Variants in KIAA1614 observed in about 807,000 individuals in gnomAD.
KIAA1614 encodes the protein KIAA1614.
KIAA1614 carries 76 observed loss-of-function variants against 88.7 expected under a neutral mutation model. The observed-to-expected ratio is 0.86, with a 90% CI of 0.71 to 1.04. The LOEUF (loss-of-function observed/expected upper bound fraction) is 1.04, where lower values mean the gene tolerates loss of function less well. Among genes scored for constraint, KIAA1614 ranks in the 50% least tolerant of loss-of-function variants. KIAA1614 has a pLI of 0.00. For synonymous variants in KIAA1614, 714 were observed against 675.5 expected (o/e 1.06, Z -0.88); for missense variants, 1,553 against 1,582.5 (o/e 0.98, Z 0.32).
At chr1:180,915,340 C>T (rs1653754155) in intron 1 of KIAA1614, among the ~76,000 whole-genome samples, 1 of 152,200 alleles carries the variant, frequency 6.6e-6, no homozygotes, top group Non-Finnish European at 1.5e-5. Flanking sequence ...TGATGTCTAT[C>T]ATCCTCATTG....
intron 4 of KIAA1614, among the ~76,000 whole-genome samples, chr1:180,932,625 C>T (rs1432737370): frequency 6.6e-6 from 1 of 152,188 alleles, no homozygotes; most frequent in African/African-American, 2.4e-5. Flanking sequence ...TTCAGTGTTC[C>T]CCAGAGCAGC....
intron 6 of KIAA1614, among the ~76,000 whole-genome samples, chr1:180,939,262 C>T (rs1438193169): frequency 6.6e-6 from 1 of 152,180 alleles, no homozygotes; most frequent in Admixed American, 6.5e-5. Flanking sequence ...GCAGGCAGCT[C>T]TAAGCCTGAA....
chr1:180,935,081 G>A lies in KIAA1614; in HGVS notation c.1206-34G>A. ...CGTGTCCATACCTCCCCAGGTTTCT[G>A]CCCTTGACCTCTCTCCTCCTGTCTC... is the stretch of plus-strand genomic sequence containing the variant. On this transcript the variant is annotated intron_variant, in intron 4 of 8. Coordinates refer to ENST00000367588, the MANE Select transcript of KIAA1614 (RefSeq NM_020950.2). The surrounding 1 kb of genome is among the most constrained non-coding windows in gnomAD (Gnocchi z 6.1). The A allele has an allele frequency of 1.5e-6, 2 of 1,351,028 alleles. No homozygotes were observed. Among genetic ancestry groups the A allele is most frequent in the Non-Finnish European group, 1.9e-6 (2 of 1,044,110 alleles). 83.7% of individuals were successfully genotyped at this position (1,351,028 alleles called of 1,614,324 possible).
At chr1:180,937,367 G>A (rs1309973776) in intron 5 of KIAA1614, among the ~76,000 whole-genome samples, 1 of 152,174 alleles carries the variant, frequency 6.6e-6, no homozygotes, top group Non-Finnish European at 1.5e-5. Context: ...CCTGGCCCCT[G>A]GGCCTGTTGG....
At chr1:180,937,992 C>A (rs1654370817) in intron 5 of KIAA1614, among the ~76,000 whole-genome samples, 1 of 152,216 alleles carries the variant, frequency 6.6e-6, no homozygotes, top group South Asian at 2.1e-4. Flanking sequence ...AGCCTGCCAG[C>A]ATCCTCCTCC....
intron 8 of KIAA1614, 24 bp from the exon 9 acceptor site, chr1:180,945,275 CCTCA>C (rs1217612993): frequency 2.2e-5 from 35 of 1,564,570 alleles, no homozygotes; most frequent in Middle Eastern, 2.3e-4. Context: ...TGCTTTTTGC[CCTCA>C]CTGTGTCTCT....
chr1:180,916,978 C>T lies in KIAA1614; in HGVS notation c.875C>T (p.Ser292Phe), dbSNP rs769554863. The T allele has an allele frequency of 5.6e-6, 9 of 1,614,044 alleles. No individual in the cohort carries two copies. In the Admixed American group the frequency reaches 1.3e-4, roughly 24 times the overall value. ...EALGAGSSVLSLSDRVERNRL... is the reference protein window; with the variant it reads ...EALGAGSSVLFLSDRVERNRL... ...CTGGGCGCTGGGAGCAGTGTCTTGTCCCTGTCTGATCGGGTGGAGAGAAAC... is the reference window on the plus strand; with the variant it reads ...CTGGGCGCTGGGAGCAGTGTCTTGTTCCTGTCTGATCGGGTGGAGAGAAAC... The change falls in exon 2 of 9, where the codon TCC becomes TTC. Residue 292 changes from serine (S) to phenylalanine (F), a missense_variant. Physicochemically the swap from Ser to Phe is radical, Grantham distance 155 (BLOSUM62 -2). Coordinates refer to ENST00000367588, the MANE Select transcript of KIAA1614 (RefSeq NM_020950.2).
Position 180,951,290 on chromosome 1 carries a change from C to T in KIAA1614, c.*5702C>T, listed in dbSNP as rs551854251. On this transcript the variant is annotated 3_prime_UTR_variant, in exon 9 of 9. Transcript: ENST00000367588. ...AGCTAGTGGGACCGGCCAGACCAGC[C>T]CCATGCCACCCCGGCCGCTGCCTCT... The T allele has an allele frequency of 5.9e-5, 9 of 152,470 alleles. No individual in the cohort carries two copies. In the South Asian group the frequency reaches 1.9e-3, roughly 32 times the overall value. 9.4% of individuals were successfully genotyped at this position (152,470 alleles called of 1,614,324 possible).
At chr1:180,923,188 T>C (rs966944082) in intron 3 of KIAA1614, among the ~76,000 whole-genome samples, 7 of 152,308 alleles carry the variant, frequency 4.6e-5, no homozygotes, top group Non-Finnish European at 1.0e-4. Context: ...CCTCATTATG[T>C]AGGCATGATT....
At position 180,947,602 on chromosome 1, in the gene KIAA1614, C is replaced by T. The variant is rs1272074419; in HGVS notation, c.*2014C>T. The T allele has an allele frequency of 6.6e-6, 1 of 152,238 alleles. No individual in the cohort carries two copies. The highest frequency in any genetic ancestry group is 2.4e-5 in the African/African-American group (1 of 41,446). 9.4% of individuals were successfully genotyped at this position (152,238 alleles called of 1,614,324 possible). A position where few individuals can be genotyped will look rare whatever the true frequency, so the allele number is the denominator to read the frequency against. On this transcript the variant is annotated 3_prime_UTR_variant, in exon 9 of 9. Transcript: ENST00000367588. ...TAAAAAGTCCTTCCTCACAGGCCTT[C>T]CCGTAGCCTCCTCTCCCGTTAGGGG...
rs1451382861 is a variant in KIAA1614, at chr1:180,945,875, C to T, written c.*287C>T. On this transcript the variant is annotated 3_prime_UTR_variant, in exon 9 of 9. Transcript: ENST00000367588. ...ATCCCAGAACTTTGGGAGGCCGAGG[C>T]GCCTGGATCACCTGAGGTCAGGAGT... The T allele has an allele frequency of 1.3e-5, 14 of 1,061,466 alleles. No individual in the cohort carries two copies. The highest frequency in any genetic ancestry group is 3.8e-4 in the Middle Eastern group (1 of 2,648). 65.8% of individuals were successfully genotyped at this position (1,061,466 alleles called of 1,614,324 possible).
chr1:180,943,548 A>ATTTTTTTTTTT lies in KIAA1614; in HGVS notation c.3160-840_3160-839insTTTTTTTTTTT, dbSNP rs201999726. ...GGATTGTAGGATTGAATGGTAGTAG[A>ATTTTTTTTTTT]TCTTTTTTTTTTTTTTTTGAGACAG... On this transcript the variant is annotated intron_variant, in intron 7 of 8. Coordinates refer to ENST00000367588, the MANE Select transcript of KIAA1614 (RefSeq NM_020950.2). 3.7e-3 allele frequency among the ~76,000 whole-genome samples: 274 copies of ATTTTTTTTTTT among 74,814 alleles called. 26 individuals carry two copies. Among genetic ancestry groups the ATTTTTTTTTTT allele is most frequent in the Middle Eastern group, 8.1e-3 (1 of 124 alleles). 49.1% of individuals were successfully genotyped at this position (74,814 alleles called of 152,430 possible).
rs899390782 is a variant in KIAA1614 at position 180,945,325 on chromosome 1, C to T, written c.3310C>T (p.Arg1104Cys). The T allele has an allele frequency of 8.2e-6, 13 of 1,586,720 alleles. No homozygotes were observed. The African/African-American group carries it at 8.2e-5, about 10-fold the overall frequency. ...CAGGCCGGCCAAGACTTCACCACGG[C>T]GTGCCCTCAGTGTGGAGGACGTGGG... The part of the protein sequence containing the change: ...AGRPAKTSPR[R>C]ALSVEDVGAP... Residue 1104 changes from arginine to cysteine, a missense_variant, in exon 9 of 9, where the codon CGT becomes TGT. Transcript: ENST00000367588.
chr1:180,913,219 G>A lies in KIAA1614; in HGVS notation c.-25G>A, dbSNP rs1653698079. The stretch of plus-strand genomic sequence containing the variant: ...GCTGGCCTGGGAGGGAGAAGGGGCT[G>A]GAGAGGGCCTGGCCTCTCCGAGGGA... On this transcript the variant is annotated 5_prime_UTR_variant, in exon 1 of 9. The change creates a premature stop within an existing upstream ORF in the 5' untranslated region. Coordinates refer to ENST00000367588, the MANE Select transcript of KIAA1614 (RefSeq NM_020950.2). The A allele has an allele frequency of 2.4e-6, 3 of 1,259,354 alleles. No homozygotes were observed. The highest frequency in any genetic ancestry group is 8.4e-5 in the Admixed American group (2 of 23,906). The allele number at this position is 1,259,354 out of a possible 1,614,324, so 78.0% of individuals were successfully genotyped here. A position where few individuals can be genotyped will look rare whatever the true frequency, so the allele number is the denominator to read the frequency against.
rs1188282896 is a variant in KIAA1614, at chr1:180,950,127, G to A, written c.*4539G>A. The A allele has an allele frequency of 6.1e-6, 1 of 164,028 alleles. No homozygotes were observed. The highest frequency in any genetic ancestry group is 2.4e-5 in the African/African-American group (1 of 41,564). The allele number at this position is 164,028 out of a possible 1,614,324, so 10.2% of individuals were successfully genotyped here. A position where few individuals can be genotyped will look rare whatever the true frequency, so the allele number is the denominator to read the frequency against. On this transcript the variant is annotated 3_prime_UTR_variant, in exon 9 of 9. Coordinates refer to ENST00000367588, the MANE Select transcript of KIAA1614 (RefSeq NM_020950.2). The stretch of plus-strand genomic sequence containing the variant: ...AGTGGAATGGAGTTAGACCATGGAG[G>A]AGGCGCACTGTATCTATGTCTAAAG...
intron 5 of KIAA1614, 21 bp downstream of exon 5, chr1:180,936,691 C>G (rs540156120): frequency 4.6e-5 from 66 of 1,444,952 alleles, no homozygotes; most frequent in Non-Finnish European, 5.9e-5. Flanking sequence ...GCCGCTGGTT[C>G]CTGCCCAGCC....
At chr1:180,913,966 G>T (rs1299912273) in intron 1 of KIAA1614, 1 of 152,112 alleles carries the variant, frequency 6.6e-6, no homozygotes, top group Non-Finnish European at 1.5e-5. Flanking sequence ...CGCATTATAT[G>T]TGTATTTTGC....
Position 180,935,108 on chromosome 1 carries a change from T to A in KIAA1614, c.1206-7T>A. On this transcript the variant is annotated splice_region_variant and splice_polypyrimidine_tract_variant and intron_variant, in intron 4 of 8. Coordinates refer to ENST00000367588, the MANE Select transcript of KIAA1614 (RefSeq NM_020950.2). The surrounding 1 kb of genome is among the most constrained non-coding windows in gnomAD (Gnocchi z 6.1). ...CCTTGACCTCTCTCCTCCTGTCTCT[T>A]CATCAGAGATGGCCACAGAAGCCCA... 1 of 1,419,032 alleles carries A rather than the reference T, an allele frequency of 7.0e-7. No individual in the cohort carries two copies. Among genetic ancestry groups the A allele is most frequent in the Non-Finnish European group, 9.2e-7 (1 of 1,085,480 alleles). 87.9% of individuals were successfully genotyped at this position (1,419,032 alleles called of 1,614,324 possible). A position where few individuals can be genotyped will look rare whatever the true frequency, so the allele number is the denominator to read the frequency against.
rs56656222 is a variant in KIAA1614 at position 180,913,519 on chromosome 1, C to T, written c.50+226C>T. On this transcript the variant is annotated intron_variant, in intron 1 of 8. Transcript: ENST00000367588. The stretch of plus-strand genomic sequence containing the variant: ...CTTGGGCCATAGAACCAGGCAGCTC[C>T]GAGCTGACCGATCTTCCCGAAAGCC... 6.8e-3 allele frequency among the ~76,000 whole-genome samples: 1,033 copies of T among 152,310 alleles called. 15 individuals are homozygous for T. The highest frequency in any genetic ancestry group is 0.023 in the African/African-American group (975 of 41,560).
Sources: allele counts gnomAD v4.1 joint callset (sites outside exome capture counted in the v4.1 genomes callset), GRCh38; gene constraint gnomAD v4.1.1; non-coding constraint Gnocchi (gnomAD v3.1); transcripts MANE v1.5; gene names NCBI Gene and HGNC (gene_info 2026-07-23, HGNC 2026-07-21).